SCP2: variants seen among roughly 807,000 people sequenced by gnomAD.
SCP2 encodes sterol carrier protein 2.
SCP2 carries 48 observed loss-of-function variants against 71.4 expected under a neutral mutation model. The observed-to-expected ratio is 0.67, with a 90% CI of 0.53 to 0.86. SCP2 has a LOEUF of 0.86. Ranked by LOEUF, SCP2 falls within the 40% of genes least tolerant of loss-of-function variation. The probability of loss-of-function intolerance (pLI) is 0.00; values close to 1 mark genes in which losing one functional copy is unlikely to be tolerated. For missense variants in SCP2, 560 were observed against 655.6 expected, an observed-to-expected ratio of 0.85 and a Z score of 1.59; for synonymous variants, 220 against 218.1, an observed-to-expected ratio of 1.01 and a Z score of -0.08.
intron 11 of SCP2, chr1:52,994,361 T>C: frequency 7.9e-6 from 7 of 886,768 alleles, no homozygotes; most frequent in Non-Finnish European, 8.1e-6. Flanking sequence ...ATTTTAGTTG[T>C]TCTTGTTGAC....
chr1:53,024,060 G>A (rs1383108076), intron 12 of SCP2, among the ~76,000 whole-genome samples: 1 of 151,954 alleles, frequency 6.6e-6, no homozygotes, highest in Non-Finnish European at 1.5e-5. Context: ...CTTTTTCCAG[G>A]TTCCTTACCA....
Position 53,038,978 on chromosome 1 carries a change from C to T in SCP2, c.1400C>T (p.Pro467Leu). The T allele has an allele frequency of 6.2e-7, 1 of 1,614,070 alleles. No homozygotes were observed. ...TTTGCCTTCAAGGTGAAAGATGGCC[C>T]TGGGGGTAAAGAGGCCACCTGGGTG... ...GIFAFKVKDGPGGKEATWVVD... is the reference protein window; with the variant it reads ...GIFAFKVKDGLGGKEATWVVD... The change falls in exon 14 of 16, where the codon CCT (proline) becomes CTT (leucine). Residue 467 changes from proline (P) to leucine (L), a missense_variant. Pro to Leu is a moderately conservative substitution (Grantham distance 98, BLOSUM62 -3). Around this residue, in one of 3 missense-constraint regions of SCP2, gnomAD observed 513 missense variants for 573.1 expected, o/e 0.90. Coordinates refer to ENST00000371514, the MANE Select transcript of SCP2 (RefSeq NM_002979.5).
chr1:53,011,547 G>T (rs768996626), intron 11 of SCP2, among the ~76,000 whole-genome samples: 1 of 152,152 alleles, frequency 6.6e-6, no homozygotes, highest in Non-Finnish European at 1.5e-5. Context: ...CATGTAAAAA[G>T]GTTGACCAAC....
chr1:52,981,238 A>T (rs1194133842), intron 10 of SCP2, among the ~76,000 whole-genome samples: 1 of 152,114 alleles, frequency 6.6e-6, no homozygotes, highest in Non-Finnish European at 1.5e-5. Flanking sequence ...AGCCGTGATA[A>T]TGTATTTTTT....
intron 12 of SCP2, among the ~76,000 whole-genome samples, chr1:53,018,846 T>C (rs1163684147): frequency 6.6e-6 from 1 of 152,150 alleles, no homozygotes; most frequent in Non-Finnish European, 1.5e-5. Context: ...TTATAAAATA[T>C]ACTCTAAACT....
intron 13 of SCP2, among the ~76,000 whole-genome samples, chr1:53,033,610 A>G (rs1276279337): frequency 6.6e-6 from 1 of 151,366 alleles, no homozygotes; most frequent in Non-Finnish European, 1.5e-5. Flanking sequence ...ATTTCAAAAA[A>G]AAAAAAAAAA....
At chr1:53,036,656 C>T (rs1442399498) in intron 13 of SCP2, among the ~76,000 whole-genome samples, 2 of 146,280 alleles carry the variant, frequency 1.4e-5, no homozygotes, top group South Asian at 4.2e-4. Flanking sequence ...ATTTAAGATA[C>T]ATATATATAT....
chr1:53,047,849 C>T lies in SCP2; in HGVS notation c.1469-9C>T, dbSNP rs1663934969. ...TATTCTCCTTCCTTCTCCTGTGTATCTGTTTTAGATAAGAAGGCTGACTGC... is the reference window on the plus strand; with the variant it reads ...TATTCTCCTTCCTTCTCCTGTGTATTTGTTTTAGATAAGAAGGCTGACTGC... On this transcript the variant is annotated splice_polypyrimidine_tract_variant and intron_variant, in intron 14 of 15. Transcript: ENST00000371514. 2.5e-6 allele frequency: 4 copies of T among 1,597,646 alleles called. No individual in the cohort carries two copies. Among genetic ancestry groups the T allele is most frequent in the Non-Finnish European group, 3.4e-6 (4 of 1,164,974 alleles).
At chr1:52,951,648 T>C (rs1279295001) in intron 4 of SCP2, among the ~76,000 whole-genome samples, 2 of 152,020 alleles carry the variant, frequency 1.3e-5, no homozygotes, top group Non-Finnish European at 2.9e-5. Context: ...AACTCACCTT[T>C]TTAAAGTGTA....
intron 11 of SCP2, among the ~76,000 whole-genome samples, chr1:52,989,453 C>T (rs1011725175): frequency 2.6e-5 from 4 of 152,192 alleles, no homozygotes; most frequent in African/African-American, 7.2e-5. Flanking sequence ...GCCTTAACAC[C>T]TCCCTCTTTC....
intron 2 of SCP2, chr1:52,943,620 CA>C: frequency 7.0e-6 from 3 of 428,418 alleles, no homozygotes; most frequent in Admixed American, 2.6e-5. Flanking sequence ...TTGGTGTCTT[CA>C]AAAAGGCCAA....
At chr1:53,046,878 A>G (rs1193626322) in intron 14 of SCP2, among the ~76,000 whole-genome samples, 1 of 152,228 alleles carries the variant, frequency 6.6e-6, no homozygotes, top group African/African-American at 2.4e-5. Context: ...ACTGCATAAC[A>G]AATTGCCACA....
intron 5 of SCP2, among the ~76,000 whole-genome samples, chr1:52,956,710 G>C (rs558568421): frequency 1.7e-4 from 26 of 152,168 alleles, no homozygotes; most frequent in African/African-American, 6.0e-4. Flanking sequence ...GGAGAAGACT[G>C]AGAAATAAGG....
chr1:52,953,026 T>C (rs74979206), intron 4 of SCP2, among the ~76,000 whole-genome samples: 2,921 of 151,270 alleles, frequency 0.019, 45 homozygotes, highest in Middle Eastern at 0.054. Flanking sequence ...TTCTGTTCTT[T>C]TATTTTTTTT....
intron 2 of SCP2, chr1:52,943,688 C>T (rs1654496068): frequency 6.9e-6 from 3 of 435,842 alleles, no homozygotes; most frequent in South Asian, 3.5e-5. Flanking sequence ...TTGGAAGTGC[C>T]AATCTGTTTT....
At chr1:53,037,577 T>G (rs1179636205) in intron 13 of SCP2, among the ~76,000 whole-genome samples, 1 of 151,696 alleles carries the variant, frequency 6.6e-6, no homozygotes, top group African/African-American at 2.4e-5. Context: ...TAGGTCTGAG[T>G]TTTTTTTCTG....
chr1:52,994,512 ATTTG>A (rs1659785680), intron 11 of SCP2: 1 of 196,192 alleles, frequency 5.1e-6, no homozygotes, highest in African/African-American at 2.4e-5. Flanking sequence ...TCATATCTAT[ATTTG>A]TTATTAAAAT....
At chr1:53,024,045 A>G (rs17107627) in intron 12 of SCP2, among the ~76,000 whole-genome samples, 20,812 of 151,856 alleles carry the variant, frequency 0.14, 2,034 homozygotes, top group East Asian at 0.32. Context: ...TTCTCCTTCC[A>G]TCTCCTTTTT....
chr1:53,025,349 C>A (rs1288374555), intron 12 of SCP2, among the ~76,000 whole-genome samples: 2 of 152,156 alleles, frequency 1.3e-5, no homozygotes, highest in African/African-American at 4.8e-5. Flanking sequence ...CTGTTACAGT[C>A]CCTGCCCAGG....
Sources: gnomAD v4.1 joint callset for allele counts (sites outside exome capture counted in the v4.1 genomes callset) on GRCh38, gnomAD v4.1.1 for gene constraint, gnomAD v4.1.1 regional missense constraint, MANE v1.5 for transcripts, NCBI Gene and HGNC (gene_info 2026-07-23, HGNC 2026-07-21) for gene names.